Variants in DYRK1B observed in about 807,000 individuals in gnomAD.
The protein encoded by DYRK1B is dual specificity tyrosine phosphorylation regulated kinase 1B.
Under a neutral mutation model 57.1 loss-of-function variants are expected in DYRK1B, and 20 were observed. That is an observed-to-expected ratio of 0.35 (90% CI 0.25 to 0.51). The LOEUF (loss-of-function observed/expected upper bound fraction) is 0.51. Ranked by LOEUF, DYRK1B falls within the 20% of genes least tolerant of loss-of-function variation. The pLI is 0.96. For synonymous variants in DYRK1B, 409 were observed against 384.7 expected (o/e 1.06, Z -0.74); for missense variants, 732 against 886.3 (o/e 0.83, Z 2.21).
At chr19:39,830,602 T>G in intron 3 of DYRK1B, 39 bp from the exon 4 acceptor site, 1 of 1,613,494 alleles carries the variant, frequency 6.2e-7, no homozygotes, top group Non-Finnish European at 8.5e-7. Context: ...GACTGGTGAG[T>G]GACTCATGCC....
rs1016964616 is a variant in DYRK1B at position 39,828,026 on chromosome 19, G to A, written c.807+271C>T. Among the ~76,000 whole-genome samples the A allele has an allele frequency of 1.3e-5, 2 of 152,112 alleles. No homozygotes were observed. Among genetic ancestry groups the A allele is most frequent in the Admixed American group, 6.5e-5 (1 of 15,272 alleles). ...CATCCTCAGCTTTAAGAACAGAGAA[G>A]ACAAAAACTTAGCGAGGCAGCACCC... is the stretch of plus-strand genomic sequence containing the variant. On this transcript the variant is annotated intron_variant, in intron 6 of 10. Transcript: ENST00000323039. This position sits in a 1 kb window ranked among gnomAD's most constrained non-coding sequence, Gnocchi z 4.3.
At chr19:39,833,767 A>AGCTGAGCCCAAACAAAGGGCGGG (rs1432477399) in intron 1 of DYRK1B, 3 of 152,272 alleles carry the variant, frequency 2.0e-5, no homozygotes, top group Non-Finnish European at 4.4e-5. Context: ...CGGCCCGCGG[A>AGCTGAGCCCAAACAAAGGGCGGG]GCTGAGCCCA....
At position 39,828,590 on chromosome 19, in the gene DYRK1B, G is replaced by A. The variant is rs888076509; in HGVS notation, c.521-7C>T. On this transcript the variant is annotated splice_region_variant and splice_polypyrimidine_tract_variant and intron_variant, in intron 5 of 10. Transcript: ENST00000323039. This position sits in a 1 kb window ranked among gnomAD's most constrained non-coding sequence, Gnocchi z 4.3. ...AAGTGCCGCTTCAGGTGTACTGCGG[G>A]GGAGGGGAGGAAATGGGCCAGAGAA... is the stretch of plus-strand genomic sequence containing the variant. 6.2e-7 allele frequency: 1 copy of A among 1,601,336 alleles called. No individual in the cohort carries two copies. The highest frequency in any genetic ancestry group is 1.7e-5 in the Admixed American group (1 of 59,472).
chr19:39,829,576 C>T (rs1968710558), intron 5 of DYRK1B: 1 of 257,116 alleles, frequency 3.9e-6, no homozygotes, highest in African/African-American at 2.2e-5. Flanking sequence ...GCCCAGGTTT[C>T]TTATCTTCAA....
In DYRK1B at chr19:39,830,488, CCTT is replaced by C. The variant is rs746098809; in HGVS notation, c.256_258del (p.Lys86del). The C allele has an allele frequency of 4.3e-6, 7 of 1,614,210 alleles. No homozygotes were observed. Among genetic ancestry groups the C allele is most frequent in the Admixed American group, 1.7e-5 (1 of 60,032 alleles). On this transcript the variant is annotated inframe_deletion, in exon 4 of 11. Transcript: ENST00000323039. ...TCGTCATCATAACCATGGTTCAGGA[CCTT>C]CTTCTCCTTCTTGTTGCTCGAATCC...
chr19:39,831,832 G>A lies in DYRK1B; in HGVS notation c.36C>T (p.Gly12=), dbSNP rs1325549261. 1.3e-6 allele frequency: 2 copies of A among 1,541,998 alleles called. No individual in the cohort carries two copies. The highest frequency in any genetic ancestry group is 4.0e-5 in the Admixed American group (2 of 50,048). Residue 12 remains glycine, a synonymous_variant, in exon 2 of 11, where the codon GGC becomes GGT. Coordinates refer to ENST00000323039, the MANE Select transcript of DYRK1B (RefSeq NM_004714.3). The stretch of plus-strand genomic sequence containing the variant: ...GCGTGTGCTCCTGGGGCCCTGGGAA[G>A]CCAGAGAAGGGACCATGGCCCGGTG... ...AVPPGHGPFS[G]FPGPQEHTQV... is the part of the protein sequence containing the mutation.
In DYRK1B at chr19:39,825,762, G is replaced by T; in HGVS notation, c.1843C>A (p.His615Asn). 6.4e-7 allele frequency: 1 copy of T among 1,569,080 alleles called. No individual in the cohort carries two copies. The change falls in exon 11 of 11, where the codon CAC becomes AAC. Residue 615 changes from histidine (H) to asparagine (N), a missense_variant. By Grantham distance (68) the His-to-Asn change is moderately conservative. Coordinates refer to ENST00000323039, the MANE Select transcript of DYRK1B (RefSeq NM_004714.3). ...PPDDPATLGP[H>N]LGLRGVPQST... ...TGGGGTACACCACGGAGGCCCAGGT[G>T]AGGCCCCAGAGTGGCAGGGTCATCA...
In DYRK1B at chr19:39,825,531, T is replaced by C. The variant is rs1968484967; in HGVS notation, c.*184A>G. 3 of 613,636 alleles carry C rather than the reference T, an allele frequency of 4.9e-6. No homozygotes were observed. The highest frequency in any genetic ancestry group is 8.5e-6 in the Non-Finnish European group (3 of 352,332). The allele number at this position is 613,636 out of a possible 1,614,324, so 38.0% of individuals were successfully genotyped here. A position where few individuals can be genotyped will look rare whatever the true frequency, so the allele number is the denominator to read the frequency against. On this transcript the variant is annotated 3_prime_UTR_variant, in exon 11 of 11. Transcript: ENST00000323039. The stretch of plus-strand genomic sequence containing the variant: ...AGGGGCCCAAGGGTCCAGTCCTTAG[T>C]GGGGAGGGAGCGGCCAAAACCCTCT...
At position 39,828,733 on chromosome 19, in the gene DYRK1B, A is replaced by G. The variant is rs976983712; in HGVS notation, c.521-150T>C. ...CTAGTCAAAATCTTTTTATCTAACA[A>G]CTAGATTCACACAGGAAGTTAATGC... On this transcript the variant is annotated intron_variant, in intron 5 of 10. Coordinates refer to ENST00000323039, the MANE Select transcript of DYRK1B (RefSeq NM_004714.3). The surrounding 1 kb of genome is among the most constrained non-coding windows in gnomAD (Gnocchi z 4.3). 15 of 777,698 alleles carry G rather than the reference A, an allele frequency of 1.9e-5. No homozygotes were observed. The Admixed American group carries it at 2.6e-4, about 14-fold the overall frequency. 48.2% of individuals were successfully genotyped at this position (777,698 alleles called of 1,614,324 possible).
At chr19:39,832,673 C>T (rs1456994841) in intron 1 of DYRK1B, among the ~76,000 whole-genome samples, 1 of 152,076 alleles carries the variant, frequency 6.6e-6, no homozygotes, top group African/African-American at 2.4e-5. Flanking sequence ...CACCAGGGCA[C>T]GATTTTCCTA....
chr19:39,825,915 T>A lies in DYRK1B; in HGVS notation c.1690A>T (p.Met564Leu), dbSNP rs750237186. ...SPTSPPPPEL[M>L]DVSLVGGPAD... ...GGGCCGCCCACCAGGCTCACATCCATCAGCTCCGGGGGTGGTGGTGAGGTT... is the reference window on the plus strand; with the variant it reads ...GGGCCGCCCACCAGGCTCACATCCAACAGCTCCGGGGGTGGTGGTGAGGTT... Residue 564 changes from methionine to leucine, a missense_variant, in exon 11 of 11, where the codon ATG (methionine) becomes TTG (leucine). This residue lies in a region of DYRK1B where 222 missense variants were observed against 205.0 expected (regional missense o/e 1.08). Coordinates refer to ENST00000323039, the MANE Select transcript of DYRK1B (RefSeq NM_004714.3). The A allele has an allele frequency of 2.8e-5, 43 of 1,559,866 alleles. No individual in the cohort carries two copies. The highest frequency in any genetic ancestry group is 3.0e-5 in the Non-Finnish European group (35 of 1,154,264).
Position 39,828,303 on chromosome 19 carries a change from G to A in DYRK1B, c.801C>T (p.Gly267=), listed in dbSNP as rs1968634898. The A allele has an allele frequency of 1.2e-6, 2 of 1,613,894 alleles. No homozygotes were observed. Among genetic ancestry groups the A allele is most frequent in the Non-Finnish European group, 1.7e-6 (2 of 1,180,024 alleles). Residue 267 remains glycine, a synonymous_variant, in exon 6 of 11, where the codon GGC becomes GGT. Coordinates refer to ENST00000323039, the MANE Select transcript of DYRK1B (RefSeq NM_004714.3). This position sits in a 1 kb window ranked among gnomAD's most constrained non-coding sequence, Gnocchi z 4.3. ...IVDFGSSCQL[G]QRIYQYIQSR... ...GGACCGGGCCGCCCCCTACCCTCTG[G>A]CCAAGCTGGCAGGAGCTGCCGAAGT...
intron 8 of DYRK1B, 100 bp from the exon 9 acceptor site, chr19:39,827,087 G>T: frequency 1.6e-6 from 2 of 1,220,176 alleles, no homozygotes; most frequent in Non-Finnish European, 2.2e-6. Flanking sequence ...AAGAGAGAAA[G>T]TGGAAAGAAA....
intron 1 of DYRK1B, chr19:39,833,261 C>G (rs895094917): frequency 1.0e-6 from 1 of 985,444 alleles, no homozygotes; most frequent in South Asian, 4.7e-5. Context: ...AGCCCCCACC[C>G]CCTACCCGGG....
rs1339986931 is a variant in DYRK1B at position 39,830,317 on chromosome 19, G to A, written c.372+58C>T. On this transcript the variant is annotated intron_variant, in intron 4 of 10. Coordinates refer to ENST00000323039, the MANE Select transcript of DYRK1B (RefSeq NM_004714.3). The stretch of plus-strand genomic sequence containing the variant: ...TGGGACTTGAAGCCACTGAACCACT[G>A]GGTGTGTGATCAATGTTAGTGGGGC... The A allele has an allele frequency of 4.4e-6, 7 of 1,603,726 alleles. No homozygotes were observed. In the Admixed American group the frequency reaches 5.0e-5, roughly 11 times the overall value.
At position 39,827,437 on chromosome 19, in the gene DYRK1B, C is replaced by A. The variant is rs1218931073; in HGVS notation, c.955-12G>T. The A allele has an allele frequency of 5.6e-6, 9 of 1,609,920 alleles. No individual in the cohort carries two copies. The highest frequency in any genetic ancestry group is 7.6e-6 in the Non-Finnish European group (9 of 1,176,792). On this transcript the variant is annotated splice_polypyrimidine_tract_variant and intron_variant, in intron 7 of 10. Transcript: ENST00000323039. Reference sequence around the variant, plus strand: ...TTCATCTGGTCGACCTGTGAGCAGGCAGGGGTCAAGGTCATCAGGCCAGCC... The same window carrying A: ...TTCATCTGGTCGACCTGTGAGCAGGAAGGGGTCAAGGTCATCAGGCCAGCC...
At position 39,830,008 on chromosome 19, in the gene DYRK1B, T is replaced by A. The variant is rs766621327; in HGVS notation, c.392A>T (p.His131Leu). The change falls in exon 5 of 11, where the codon CAT (histidine) becomes CTT (leucine). Residue 131 changes from histidine to leucine, a missense_variant. Coordinates refer to ENST00000323039, the MANE Select transcript of DYRK1B (RefSeq NM_004714.3). ...SFGQVVKAYD[H>L]QTQELVAIKI... ...GATGGCCACAAGCTCCTGGGTCTGA[T>A]GATCATAGGCTTTCACCACCTGTTG... 1 of 1,614,150 alleles carries A rather than the reference T, an allele frequency of 6.2e-7. No homozygotes were observed. The highest frequency in any genetic ancestry group is 2.2e-5 in the East Asian group (1 of 44,878).
At chr19:39,833,412 G>A (rs1968920955) in intron 1 of DYRK1B, 6 of 959,164 alleles carry the variant, frequency 6.3e-6, no homozygotes, top group Non-Finnish European at 7.4e-6. Context: ...CGGCGGGGAG[G>A]GCAAGCGGGA....
intron 7 of DYRK1B, 35 bp downstream of exon 7, chr19:39,827,475 C>CTCCACCTCCAGCACACCCCT (rs1968597904): frequency 6.2e-7 from 1 of 1,610,382 alleles, no homozygotes; most frequent in Admixed American, 1.7e-5. Context: ...GCTCCACCCC[C>CTCCACCTCCAGCACACCCCT]TCCACCTCCA....
Sources: gnomAD v4.1 joint callset for allele counts (sites outside exome capture counted in the v4.1 genomes callset) on GRCh38, gnomAD v4.1.1 for gene constraint, gnomAD v4.1.1 regional missense constraint, Gnocchi (gnomAD v3.1) non-coding constraint, MANE v1.5 for transcripts, NCBI Gene and HGNC (gene_info 2026-07-23, HGNC 2026-07-21) for gene names.